ZNG1E: variants seen among roughly 807,000 people sequenced by gnomAD.
ZNG1E encodes zinc-regulated GTPase metalloprotein activator 1E.
chr9:65,728,050 ACT>A, the ZNG1E span, among the ~76,000 whole-genome samples: 1 of 149,484 alleles, frequency 6.7e-6, no homozygotes, highest in South Asian at 2.1e-4. Context: ...TATATCAAGC[ACT>A]CTCTCAGACC....
the ZNG1E span, among the ~76,000 whole-genome samples, chr9:65,688,038 G>T: frequency 8.1e-3 from 1,214 of 150,612 alleles, no homozygotes; most frequent in African/African-American, 0.027. Flanking sequence ...TTTGTTCTTC[G>T]TATGTATTCT....
the ZNG1E span, chr9:65,707,385 TA>T: frequency 1.4e-5 from 1 of 72,050 alleles, no homozygotes; most frequent in African/African-American, 5.6e-5. Context: ...TTTGGCCTTT[TA>T]GTGTAAACTG....
chr9:65,691,335 G>A, the ZNG1E span, among the ~76,000 whole-genome samples: 39 of 149,196 alleles, frequency 2.6e-4, no homozygotes, highest in African/African-American at 9.4e-4. Flanking sequence ...CGCCAGCCTC[G>A]GCCTCCCAAA....
chr9:65,661,468 A>G, the ZNG1E span, among the ~76,000 whole-genome samples: 1 of 152,174 alleles, frequency 6.6e-6, no homozygotes, highest in South Asian at 2.1e-4. Flanking sequence ...ATTTTTATGA[A>G]TTAACTGAAG....
the ZNG1E span, among the ~76,000 whole-genome samples, chr9:65,663,024 G>A: frequency 6.6e-6 from 1 of 152,242 alleles, no homozygotes; most frequent in Non-Finnish European, 1.5e-5. Context: ...TTACATTCTG[G>A]CAACCTCAGA....
the ZNG1E span, among the ~76,000 whole-genome samples, chr9:65,714,611 C>T: frequency 2.6e-5 from 4 of 152,088 alleles, no homozygotes; most frequent in African/African-American, 9.7e-5. Context: ...CAGACAGGAC[C>T]TTCAGCTGCA....
chr9:65,685,253 G>T, the ZNG1E span, among the ~76,000 whole-genome samples: 1 of 152,254 alleles, frequency 6.6e-6, no homozygotes, highest in African/African-American at 2.4e-5. Flanking sequence ...GACCAATCAG[G>T]GTAGTAGTTA....
chr9:65,658,580 G>GA, the ZNG1E span, among the ~76,000 whole-genome samples: 67 of 135,570 alleles, frequency 4.9e-4, no homozygotes, highest in African/African-American at 8.6e-4. Context: ...CTACTTGAGT[G>GA]AAAAAAAAAA....
chr9:65,728,261 T>G, the ZNG1E span, among the ~76,000 whole-genome samples: 1 of 152,078 alleles, frequency 6.6e-6, no homozygotes, highest in Non-Finnish European at 1.5e-5. Context: ...AAGAGGAAAG[T>G]TCATAGCCCT....
the ZNG1E span, among the ~76,000 whole-genome samples, chr9:65,674,322 C>A: frequency 3.9e-5 from 6 of 152,318 alleles, no homozygotes; most frequent in South Asian, 2.1e-4. Flanking sequence ...TAAATACTTT[C>A]AAGTTATATG....
chr9:65,710,495 G>C, the ZNG1E span, among the ~76,000 whole-genome samples: 5 of 151,702 alleles, frequency 3.3e-5, no homozygotes, highest in Non-Finnish European at 4.4e-5. Flanking sequence ...TAGGTCAAAC[G>C]TTTAAGTCTT....
the ZNG1E span, among the ~76,000 whole-genome samples, chr9:65,658,985 A>G: frequency 1.3e-5 from 2 of 151,952 alleles, no homozygotes; most frequent in Middle Eastern, 3.2e-3. Context: ...ATTCTAAACT[A>G]CTGGGGGTTA....
At chr9:65,697,744 GAA>G in the ZNG1E span, among the ~76,000 whole-genome samples, 3 of 56,634 alleles carry the variant, frequency 5.3e-5, no homozygotes, top group African/African-American at 2.7e-4. Context: ...TTATGAGGGG[GAA>G]AAAAAAAAAC....
the ZNG1E span, among the ~76,000 whole-genome samples, chr9:65,671,695 C>G: frequency 3.3e-5 from 5 of 151,920 alleles, no homozygotes; most frequent in East Asian, 9.7e-4. Context: ...AGGGGACTTC[C>G]TTATTATACT....
At chr9:65,699,088 A>ATT in the ZNG1E span, among the ~76,000 whole-genome samples, 1 of 134,328 alleles carries the variant, frequency 7.4e-6, no homozygotes, top group South Asian at 2.4e-4. Context: ...ATTTTATTTT[A>ATT]TTTTATTTTT....
At chr9:65,662,427 G>C in the ZNG1E span, among the ~76,000 whole-genome samples, 5 of 152,244 alleles carry the variant, frequency 3.3e-5, no homozygotes, top group Admixed American at 6.5e-5. Flanking sequence ...GTGAATGGTA[G>C]CGTATCGACG....
chr9:65,692,060 G>A, the ZNG1E span, among the ~76,000 whole-genome samples: 2 of 54,308 alleles, frequency 3.7e-5, no homozygotes. Context: ...TGGAAACTTA[G>A]GCATATGTTA....
the ZNG1E span, among the ~76,000 whole-genome samples, chr9:65,698,890 G>GTA: frequency 1.5e-5 from 2 of 130,394 alleles, no homozygotes; most frequent in Admixed American, 1.6e-4. Context: ...ATATATATGT[G>GTA]TAATAATAAT....
chr9:65,684,451 G>A, the ZNG1E span, among the ~76,000 whole-genome samples: 3 of 152,218 alleles, frequency 2.0e-5, no homozygotes, highest in African/African-American at 4.8e-5. Flanking sequence ...CATGAGAATC[G>A]CTTGAAAGCT....
Sources: allele counts gnomAD v4.1 joint callset (sites outside exome capture counted in the v4.1 genomes callset), GRCh38; gene constraint gnomAD v4.1.1; transcripts MANE v1.5; gene names NCBI Gene and HGNC (gene_info 2026-07-23, HGNC 2026-07-21).